MTHFD2L: variants seen among roughly 807,000 people sequenced by gnomAD.
The protein encoded by MTHFD2L is bifunctional methylenetetrahydrofolate dehydrogenase/cyclohydrolase 2, mitochondrial.
A neutral mutation model predicts 34.9 loss-of-function variants in MTHFD2L; 29 were observed. That is an observed-to-expected ratio of 0.83 (90% CI 0.62 to 1.13). The LOEUF is 1.13. Ranked by LOEUF, MTHFD2L falls within the 50% of genes most tolerant of loss-of-function variation. The probability of loss-of-function intolerance (pLI) is 0.00; values close to 1 mark genes in which losing one functional copy is unlikely to be tolerated. For missense variants in MTHFD2L, 481 were observed against 446.5 expected (o/e 1.08, Z -0.70); for synonymous variants, 167 against 155.7 (o/e 1.07, Z -0.54).
intron 6 of MTHFD2L, among the ~76,000 whole-genome samples, chr4:74,246,062 C>T (rs1742396016): frequency 7.0e-6 from 1 of 143,416 alleles, no homozygotes; most frequent in Non-Finnish European, 1.5e-5. Flanking sequence ...CAGTGACTTC[C>T]ACAATGGTTG....
At chr4:74,218,709 T>C (rs1038626926) in intron 5 of MTHFD2L, among the ~76,000 whole-genome samples, 4 of 152,058 alleles carry the variant, frequency 2.6e-5, no homozygotes, top group Admixed American at 6.6e-5. Context: ...AAATATTATT[T>C]GCTTCAAATT....
In MTHFD2L at chr4:74,225,402, C is replaced by T. The variant is rs765230978; in HGVS notation, c.805+8C>T. ...TTATCATAGTTGCTGCAGGTAAGTC[C>T]TTAGTGACTGTTATTTTTTGGAATG... On this transcript the variant is annotated splice_region_variant and intron_variant, in intron 6 of 7. Transcript: ENST00000325278. The T allele has an allele frequency of 3.1e-6, 5 of 1,605,868 alleles. No homozygotes were observed. In the Admixed American group the frequency reaches 5.1e-5, roughly 16 times the overall value.
intron 6 of MTHFD2L, among the ~76,000 whole-genome samples, chr4:74,254,028 C>G (rs375772793): frequency 6.6e-6 from 1 of 152,122 alleles, no homozygotes; most frequent in Non-Finnish European, 1.5e-5. Flanking sequence ...GAGGTCCATG[C>G]CTTCAGATCC....
intron 1 of MTHFD2L, among the ~76,000 whole-genome samples, chr4:74,138,215 C>T (rs1194291079): frequency 1.3e-5 from 2 of 152,066 alleles, no homozygotes; most frequent in African/African-American, 4.8e-5. Flanking sequence ...ATGGCTCCTC[C>T]TTTGCTATTA....
intron 1 of MTHFD2L, among the ~76,000 whole-genome samples, chr4:74,163,612 T>A (rs557053271): frequency 6.6e-6 from 1 of 152,286 alleles, no homozygotes; most frequent in African/African-American, 2.4e-5. Flanking sequence ...ATGAAACAAA[T>A]TTTTTTAAAG....
chr4:74,214,571 T>C (rs1389478583), intron 5 of MTHFD2L, among the ~76,000 whole-genome samples: 1 of 151,824 alleles, frequency 6.6e-6, no homozygotes, highest in Non-Finnish European at 1.5e-5. Flanking sequence ...GCCTGTTCTT[T>C]CCTCTGGAAG....
intron 6 of MTHFD2L, among the ~76,000 whole-genome samples, chr4:74,279,301 T>A (rs1024875424): frequency 1.3e-5 from 2 of 151,932 alleles, no homozygotes; most frequent in African/African-American, 4.8e-5. Context: ...TTTCATATTT[T>A]ATATTTAATA....
Position 74,216,067 on chromosome 4 carries a change from G to A in MTHFD2L, c.713-9235G>A, listed in dbSNP as rs116171555. Among the ~76,000 whole-genome samples, 410 of 151,628 alleles carry A rather than the reference G, an allele frequency of 2.7e-3. 14 individuals carry two copies. Among genetic ancestry groups the A allele is most frequent in the African/African-American group, 9.0e-3 (370 of 41,122 alleles). On this transcript the variant is annotated intron_variant, in intron 5 of 7. Coordinates refer to ENST00000325278, the MANE Select transcript of MTHFD2L (RefSeq NM_001144978.3). ...ACATTTTTCTAATATTAAAACTAAAGTATTTCTCCTAAGGGATTTTATAAA... is the reference window on the plus strand; with the variant it reads ...ACATTTTTCTAATATTAAAACTAAAATATTTCTCCTAAGGGATTTTATAAA...
intron 2 of MTHFD2L, among the ~76,000 whole-genome samples, chr4:74,116,692 T>C (rs1274469476): frequency 6.6e-6 from 1 of 152,228 alleles, no homozygotes; most frequent in Non-Finnish European, 1.5e-5. Flanking sequence ...TTAGCAACTG[T>C]GACCCTAGTG....
chr4:74,207,136 G>T (rs1456225124), intron 5 of MTHFD2L, among the ~76,000 whole-genome samples: 1 of 151,998 alleles, frequency 6.6e-6, no homozygotes, highest in Non-Finnish European at 1.5e-5. Flanking sequence ...CTGAGCTCAA[G>T]CAATCTGCCT....
At chr4:74,260,927 GAAAC>G (rs1402445281) in intron 6 of MTHFD2L, among the ~76,000 whole-genome samples, 2 of 77,226 alleles carry the variant, frequency 2.6e-5, no homozygotes, top group Non-Finnish European at 4.7e-5. Flanking sequence ...AAAAAACAAA[GAAAC>G]AATTAAAAAT....
chr4:74,263,951 CA>C (rs1051734078), intron 6 of MTHFD2L, among the ~76,000 whole-genome samples: 1 of 151,834 alleles, frequency 6.6e-6, no homozygotes, highest in Non-Finnish European at 1.5e-5. Flanking sequence ...CTAAAACAAA[CA>C]AAAATAAAAA....
chr4:74,124,509 T>C (rs186226308), upstream of MTHFD2L, among the ~76,000 whole-genome samples: 3 of 151,646 alleles, frequency 2.0e-5, no homozygotes, highest in African/African-American at 7.2e-5. Context: ...AGTTTTTATA[T>C]TGACATTCAA....
At chr4:74,155,293 A>G (rs1174202255), upstream of MTHFD2L, among the ~76,000 whole-genome samples, 5 of 152,154 alleles carry the variant, frequency 3.3e-5, no homozygotes, top group Non-Finnish European at 5.9e-5. Flanking sequence ...CCAACCTGCT[A>G]AATAATGTAT....
chr4:74,269,657 A>G (rs1253936512), intron 6 of MTHFD2L, among the ~76,000 whole-genome samples: 4 of 152,136 alleles, frequency 2.6e-5, no homozygotes, highest in Middle Eastern at 3.2e-3. Context: ...AGCATAACAT[A>G]AAAGCACTTT....
At chr4:74,267,041 T>A (rs1214009529) in intron 6 of MTHFD2L, 1 of 985,294 alleles carries the variant, frequency 1.0e-6, no homozygotes, top group East Asian at 1.1e-4. Flanking sequence ...CTCTACCTCT[T>A]TTCAACTAAT....
At chr4:74,188,253 A>G (rs1731717820) in intron 3 of MTHFD2L, among the ~76,000 whole-genome samples, 2 of 152,278 alleles carry the variant, frequency 1.3e-5, no homozygotes, top group South Asian at 4.1e-4. Context: ...GCAGAAATGT[A>G]TTTTCTCACA....
intron 1 of MTHFD2L, among the ~76,000 whole-genome samples, chr4:74,134,854 A>G (rs1379798498): frequency 1.3e-5 from 2 of 152,162 alleles, no homozygotes; most frequent in Non-Finnish European, 2.9e-5. Flanking sequence ...CAACCACAGA[A>G]TAGGTCAAGC....
At chr4:74,261,506 G>A (rs749150098) in intron 6 of MTHFD2L, among the ~76,000 whole-genome samples, 8 of 152,062 alleles carry the variant, frequency 5.3e-5, no homozygotes, top group Middle Eastern at 6.8e-3. Flanking sequence ...ATGTTTTTGC[G>A]TGGGAGAATT....
Sources: allele counts gnomAD v4.1 joint callset (sites outside exome capture counted in the v4.1 genomes callset), GRCh38; gene constraint gnomAD v4.1.1; transcripts MANE v1.5; gene names NCBI Gene and HGNC (gene_info 2026-07-23, HGNC 2026-07-21).